The following TUSC3 variants were observed in gnomAD, a reference collection of about 807,000 sequenced individuals.
TUSC3 encodes the protein tumor suppressor candidate 3.
A neutral mutation model predicts 44.8 loss-of-function variants in TUSC3; 45 were observed. The observed-to-expected ratio is 1.00, with a 90% CI of 0.79 to 1.29. The LOEUF is 1.29. TUSC3 is among the 50% of genes most tolerant of loss of function. The pLI is 0.00. For synonymous variants in TUSC3, 212 were observed against 152.9 expected (o/e 1.39, Z -2.85); for missense variants, 519 against 437.9 (o/e 1.19, Z -1.65).
At chr8:15,598,692 A>G (rs999753192) in intron 1 of TUSC3, among the ~76,000 whole-genome samples, 1 of 151,784 alleles carries the variant, frequency 6.6e-6, no homozygotes, top group Non-Finnish European at 1.5e-5. Flanking sequence ...GGAATCATAC[A>G]GTATATAGCC....
Position 15,766,383 on chromosome 8 carries a change from T to C in TUSC3, c.*2227T>C, listed in dbSNP as rs997032300. On this transcript the variant is annotated 3_prime_UTR_variant, in exon 11 of 11. Transcript: ENST00000503731. ...CGATGTATTTACCTTTGCTAGACAA[T>C]GAGAATTGAATAATTGATTTGTACC... 7.2e-5 allele frequency: 11 copies of C among 152,102 alleles called. No individual in the cohort carries two copies. Among genetic ancestry groups the C allele is most frequent in the Admixed American group, 2.6e-4 (4 of 15,260 alleles). The allele number at this position is 152,102 out of a possible 1,614,324, so 9.4% of individuals were successfully genotyped here. A position where few individuals can be genotyped will look rare whatever the true frequency, so the allele number is the denominator to read the frequency against.
chr8:15,644,830 GA>G (rs1269338623), intron 2 of TUSC3, among the ~76,000 whole-genome samples: 2 of 151,976 alleles, frequency 1.3e-5, no homozygotes, highest in African/African-American at 2.4e-5. Context: ...ACACTCAGCA[GA>G]AAAAAGCCCC....
intron 6 of TUSC3, among the ~76,000 whole-genome samples, chr8:15,693,880 G>T (rs148682112): frequency 1.3e-5 from 2 of 151,918 alleles, no homozygotes; most frequent in African/African-American, 4.8e-5. Flanking sequence ...TTATTTCAAA[G>T]AGCCAGTCTT....
At chr8:15,551,007 A>G (rs1392343104) in intron 1 of TUSC3, among the ~76,000 whole-genome samples, 2 of 151,794 alleles carry the variant, frequency 1.3e-5, no homozygotes, top group Non-Finnish European at 2.9e-5. Flanking sequence ...TTCTAGATAA[A>G]TAAATGTGGA....
At chr8:15,447,435 C>T (rs148880572) in intron 1 of TUSC3, among the ~76,000 whole-genome samples, 2 of 152,048 alleles carry the variant, frequency 1.3e-5, no homozygotes, top group Non-Finnish European at 1.5e-5. Flanking sequence ...GTTTAAATTA[C>T]TTCATTATGA....
chr8:15,514,046 G>C (rs1178055572), intron 2 of TUSC3, among the ~76,000 whole-genome samples: 2 of 152,068 alleles, frequency 1.3e-5, no homozygotes, highest in African/African-American at 4.8e-5. Context: ...TTTCATCCTA[G>C]GAACGTCAAG....
chr8:15,640,820 T>G (rs143321142), intron 2 of TUSC3, among the ~76,000 whole-genome samples: 2 of 151,938 alleles, frequency 1.3e-5, no homozygotes, highest in Non-Finnish European at 2.9e-5. Flanking sequence ...TATCTCAGAG[T>G]CTAGTTCGTA....
At chr8:15,503,301 G>A (rs1182698916) in intron 2 of TUSC3, among the ~76,000 whole-genome samples, 4 of 152,060 alleles carry the variant, frequency 2.6e-5, no homozygotes, top group Admixed American at 6.5e-5. Context: ...TAACCCTGCC[G>A]CCTCCTGTAT....
intron 6 of TUSC3, among the ~76,000 whole-genome samples, chr8:15,720,683 A>G (rs978726704): frequency 1.3e-5 from 2 of 152,098 alleles, no homozygotes; most frequent in Non-Finnish European, 2.9e-5. Context: ...GCATTAGGTG[A>G]ACTTTAGGGG....
the TUSC3 span, among the ~76,000 whole-genome samples, chr8:15,810,838 G>A: frequency 6.6e-6 from 1 of 152,100 alleles, no homozygotes; most frequent in Admixed American, 6.6e-5. Flanking sequence ...GAAGAGCTGA[G>A]AGTCTGACGT....
At chr8:15,494,342 G>A (rs1800850772) in intron 2 of TUSC3, among the ~76,000 whole-genome samples, 1 of 134,118 alleles carries the variant, frequency 7.5e-6, no homozygotes, top group Non-Finnish European at 1.6e-5. Flanking sequence ...TTTTGAGACA[G>A]AGTCTCGCTC....
rs758525900 is a variant in TUSC3 at position 15,730,699 on chromosome 8, G to A, written c.832G>A (p.Val278Met). 2 of 1,613,114 alleles carry A rather than the reference G, an allele frequency of 1.2e-6. No individual in the cohort carries two copies. Among genetic ancestry groups the A allele is most frequent in the Non-Finnish European group, 1.7e-6 (2 of 1,179,398 alleles). ...YIHGSSQAQF[V>M]AESHIILVLN... The stretch of plus-strand genomic sequence containing the variant: ...TCATGGGAGCAGCCAGGCTCAGTTT[G>A]TGGCAGAATCACACATTATTCTGGT... Residue 278 changes from valine to methionine, a missense_variant, in exon 7 of 11, where the codon GTG becomes ATG. Coordinates refer to ENST00000503731, the MANE Select transcript of TUSC3 (RefSeq NM_006765.4).
intron 1 of TUSC3, among the ~76,000 whole-genome samples, chr8:15,540,867 C>T (rs1040774480): frequency 6.6e-6 from 1 of 152,196 alleles, no homozygotes; most frequent in African/African-American, 2.4e-5. Flanking sequence ...GCAATGGTGC[C>T]ACTAAAAGGG....
At chr8:15,549,710 A>C (rs1233662456) in intron 1 of TUSC3, among the ~76,000 whole-genome samples, 1 of 151,592 alleles carries the variant, frequency 6.6e-6, no homozygotes, top group Non-Finnish European at 1.5e-5. Flanking sequence ...AAGGGGAGTA[A>C]AAGTTTTTCT....
the TUSC3 span, among the ~76,000 whole-genome samples, chr8:15,837,601 T>C: frequency 1.3e-5 from 2 of 152,180 alleles, no homozygotes; most frequent in South Asian, 2.1e-4. Context: ...ATTTTTCCCC[T>C]TCCATTTTCT....
intron 6 of TUSC3, among the ~76,000 whole-genome samples, chr8:15,686,892 C>A (rs1563172470): frequency 6.6e-6 from 1 of 151,942 alleles, no homozygotes; most frequent in Non-Finnish European, 1.5e-5. Flanking sequence ...CACAGTGAAA[C>A]CCCGTCTCTA....
At chr8:15,537,329 C>G (rs11783569), upstream of TUSC3, among the ~76,000 whole-genome samples, 1 of 152,104 alleles carries the variant, frequency 6.6e-6, no homozygotes, top group Non-Finnish European at 1.5e-5. Context: ...CACTTTAAGT[C>G]GTCCTGCCTT....
Position 15,540,285 on chromosome 8 carries a change from G to C in TUSC3, c.-146G>C. On this transcript the variant is annotated 5_prime_UTR_variant, in exon 1 of 11. Transcript: ENST00000503731. The stretch of plus-strand genomic sequence containing the variant: ...GTCAGTCTCCTCCTCTGCGTCCTCG[G>C]CCGCGGCCCGGGTCCCTCGCAAAGC... 8.4e-7 allele frequency: 1 copy of C among 1,184,344 alleles called. No homozygotes were observed. Among genetic ancestry groups the C allele is most frequent in the Non-Finnish European group, 1.1e-6 (1 of 909,714 alleles). The allele number at this position is 1,184,344 out of a possible 1,614,324, so 73.4% of individuals were successfully genotyped here.
chr8:15,598,422 A>G (rs544469803), intron 1 of TUSC3, among the ~76,000 whole-genome samples: 3 of 151,898 alleles, frequency 2.0e-5, no homozygotes, highest in South Asian at 2.1e-4. Flanking sequence ...ATTCCTACCA[A>G]TGTGGTACAT....
Sources: gnomAD v4.1 joint callset for allele counts (sites outside exome capture counted in the v4.1 genomes callset) on GRCh38, gnomAD v4.1.1 for gene constraint, MANE v1.5 for transcripts, NCBI Gene and HGNC (gene_info 2026-07-23, HGNC 2026-07-21) for gene names.